The following LETM1 variants were observed in gnomAD, a reference collection of about 807,000 sequenced individuals.
LETM1 encodes leucine zipper and EF-hand containing transmembrane protein 1.
Under a neutral mutation model 74.5 loss-of-function variants are expected in LETM1, and 50 were observed. That is an observed-to-expected ratio of 0.67 (90% CI 0.53 to 0.85). LETM1 has a LOEUF of 0.85. LETM1 is among the 40% of genes least tolerant of loss of function. LETM1 has a pLI of 0.00. For synonymous variants in LETM1, 446 were observed against 407.1 expected (o/e 1.10, Z -1.15); for missense variants, 824 against 967.8 (o/e 0.85, Z 1.97).
rs948185743 is a variant in LETM1, at chr4:1,823,268, C to T, written c.1333-137G>A. The T allele has an allele frequency of 2.7e-5, 33 of 1,209,286 alleles. 1 individual carries two copies. The highest frequency in any genetic ancestry group is 1.8e-4 in the South Asian group (12 of 65,136). 74.9% of individuals were successfully genotyped at this position (1,209,286 alleles called of 1,614,324 possible). ...ACACACACAGGACAGAAGGCACTGC[C>T]GAGGTGCTGCCCGCAATTGCTGGGA... On this transcript the variant is annotated intron_variant, in intron 8 of 13. Coordinates refer to ENST00000302787, the MANE Select transcript of LETM1 (RefSeq NM_012318.3).
rs972231938 is a variant in LETM1 at position 1,813,532 on chromosome 4, T to C, written c.*892A>G. On this transcript the variant is annotated 3_prime_UTR_variant, in exon 14 of 14. Transcript: ENST00000302787. ...CCCTGTGCCGGATCCTCATGCCTCATTGACTAGCCTGCTTGCTGAAGGAGC... is the reference window on the plus strand; with the variant it reads ...CCCTGTGCCGGATCCTCATGCCTCACTGACTAGCCTGCTTGCTGAAGGAGC... 52 of 152,558 alleles carry C rather than the reference T, an allele frequency of 3.4e-4. No individual in the cohort carries two copies. Among genetic ancestry groups the C allele is most frequent in the African/African-American group, 1.1e-3 (45 of 41,582 alleles). The allele number at this position is 152,558 out of a possible 1,614,324, so 9.5% of individuals were successfully genotyped here. A position where few individuals can be genotyped will look rare whatever the true frequency, so the allele number is the denominator to read the frequency against.
At chr4:1,816,326 A>G (rs1577308126) in intron 12 of LETM1, among the ~76,000 whole-genome samples, 1 of 152,228 alleles carries the variant, frequency 6.6e-6, no homozygotes, top group Non-Finnish European at 1.5e-5. Context: ...TCCCTCAGCC[A>G]CTGCTGCGCA....
At chr4:1,817,254 A>G (rs1711600139) in intron 11 of LETM1, among the ~76,000 whole-genome samples, 1 of 147,990 alleles carries the variant, frequency 6.8e-6, no homozygotes, top group Non-Finnish European at 1.5e-5. Flanking sequence ...CCAAAAAAAA[A>G]AAAAAAAAAA....
intron 12 of LETM1, 85 bp from the exon 13 acceptor site, chr4:1,815,887 T>C (rs1034248276): frequency 4.5e-6 from 7 of 1,544,798 alleles, no homozygotes; most frequent in Non-Finnish European, 6.2e-6. Context: ...CTGCAAGTGG[T>C]CAGCACTGAC....
chr4:1,820,948 T>C (rs1385922086), intron 10 of LETM1, among the ~76,000 whole-genome samples: 4 of 151,930 alleles, frequency 2.6e-5, no homozygotes, highest in African/African-American at 9.7e-5. Flanking sequence ...CACTTGAGCC[T>C]GGGAGGTCAA....
At chr4:1,851,918 G>A (rs1305554927) in intron 1 of LETM1, among the ~76,000 whole-genome samples, 2 of 152,154 alleles carry the variant, frequency 1.3e-5, no homozygotes, top group African/African-American at 2.4e-5. Flanking sequence ...CTGTTCTGAC[G>A]GCTTCTGTCC....
rs570688485 is a variant in LETM1, at chr4:1,814,655, C to T, written c.2071-82G>A. 32 of 1,265,724 alleles carry T rather than the reference C, an allele frequency of 2.5e-5. No homozygotes were observed. In the African/African-American group the frequency reaches 3.2e-4, roughly 13 times the overall value. The allele number at this position is 1,265,724 out of a possible 1,614,324, so 78.4% of individuals were successfully genotyped here. A position where few individuals can be genotyped will look rare whatever the true frequency, so the allele number is the denominator to read the frequency against. ...CAGAGGCGGGGCCAGCGCCGTCAGTCGCCCCAGCTGGGGTGGCAGCAGCAT... is the reference window on the plus strand; with the variant it reads ...CAGAGGCGGGGCCAGCGCCGTCAGTTGCCCCAGCTGGGGTGGCAGCAGCAT... On this transcript the variant is annotated intron_variant, in intron 13 of 13. Coordinates refer to ENST00000302787, the MANE Select transcript of LETM1 (RefSeq NM_012318.3).
At chr4:1,830,319 T>G (rs1023206592) in intron 6 of LETM1, among the ~76,000 whole-genome samples, 1 of 152,226 alleles carries the variant, frequency 6.6e-6, no homozygotes, top group Non-Finnish European at 1.5e-5. Context: ...GTTGTAATTT[T>G]TCATTTGGTT....
intron 5 of LETM1, 80 bp from the exon 6 acceptor site, chr4:1,833,027 G>A: frequency 3.9e-6 from 5 of 1,290,394 alleles, no homozygotes; most frequent in Non-Finnish European, 5.6e-6. Flanking sequence ...ATTCCCAAAG[G>A]GTGCTGCCTC....
Position 1,833,103 on chromosome 4 carries a change from G to A in LETM1, c.877-156C>T, listed in dbSNP as rs574322417. 3.7e-4 allele frequency: 236 copies of A among 644,026 alleles called. 2 individuals are homozygous for A. In the African/African-American group the frequency reaches 3.9e-3, roughly 11 times the overall value. 39.9% of individuals were successfully genotyped at this position (644,026 alleles called of 1,614,324 possible). A position where few individuals can be genotyped will look rare whatever the true frequency, so the allele number is the denominator to read the frequency against. On this transcript the variant is annotated intron_variant, in intron 5 of 13. Transcript: ENST00000302787. ...TTTTTTTTGTTTGAGACAGGGTCTCGCTCTGTTACCCAGGCTGGAATGCAG... is the reference window on the plus strand; with the variant it reads ...TTTTTTTTGTTTGAGACAGGGTCTCACTCTGTTACCCAGGCTGGAATGCAG...
chr4:1,819,619 G>A, intron 10 of LETM1, 147 bp from the exon 11 acceptor site: 1 of 853,024 alleles, frequency 1.2e-6, no homozygotes. Flanking sequence ...AGACCCGCGG[G>A]GTTCAGGTTC....
intron 2 of LETM1, among the ~76,000 whole-genome samples, chr4:1,847,857 G>A (rs1307814605): frequency 2.7e-5 from 4 of 150,602 alleles, no homozygotes; most frequent in Non-Finnish European, 4.4e-5. Context: ...AATTAGCTGG[G>A]TGTGGTGTGC....
intron 6 of LETM1, among the ~76,000 whole-genome samples, chr4:1,828,538 G>T: frequency 8.3e-6 from 1 of 119,854 alleles, no homozygotes. Flanking sequence ...CCCGGACGGG[G>T]CGGCTGGCCG....
intron 1 of LETM1, among the ~76,000 whole-genome samples, chr4:1,850,896 G>A (rs570373419): frequency 6.7e-6 from 1 of 149,910 alleles, no homozygotes; most frequent in African/African-American, 2.5e-5. Context: ...AACCCTCCGG[G>A]AGGCAGAGGT....
intron 1 of LETM1, among the ~76,000 whole-genome samples, chr4:1,851,047 T>C (rs906593947): frequency 1.3e-5 from 2 of 152,172 alleles, no homozygotes; most frequent in Non-Finnish European, 2.9e-5. Context: ...CAACATGTTT[T>C]TGATGCTTTC....
intron 6 of LETM1, among the ~76,000 whole-genome samples, chr4:1,826,273 G>A (rs1711982790): frequency 6.6e-6 from 1 of 152,246 alleles, no homozygotes; most frequent in Non-Finnish European, 1.5e-5. Flanking sequence ...GGACTCTGCA[G>A]TAGGGCCCCC....
chr4:1,845,548 TTC>T (rs1419910410), intron 2 of LETM1, among the ~76,000 whole-genome samples: 2 of 151,732 alleles, frequency 1.3e-5, no homozygotes, highest in Non-Finnish European at 2.9e-5. Context: ...TCTTTTTTTT[TTC>T]TTTTTTTTTT....
Position 1,841,793 on chromosome 4 carries a change from C to T in LETM1, c.148G>A (p.Val50Ile), listed in dbSNP as rs116034211. 8.4e-4 allele frequency: 1,352 copies of T among 1,609,716 alleles called. 9 individuals carry two copies. In the African/African-American group the frequency reaches 0.016, roughly 19 times the overall value. Residue 50 changes from valine to isoleucine, a missense_variant, in exon 3 of 14, where the codon GTT becomes ATT. Physicochemically the swap from Val to Ile is conservative, Grantham distance 29. Coordinates refer to ENST00000302787, the MANE Select transcript of LETM1 (RefSeq NM_012318.3). ...ATGGGAGTGCAGCAGCCAAATGGAACATTCCTTGAAAAGGGAAGAGTGGAA... is the reference window on the plus strand; with the variant it reads ...ATGGGAGTGCAGCAGCCAAATGGAATATTCCTTGAAAAGGGAAGAGTGGAA... ...STLGLRNCLN[V>I]PFGCCTPIHP... is the part of the protein sequence containing the mutation.
At chr4:1,817,187 G>T (rs566970322) in intron 11 of LETM1, among the ~76,000 whole-genome samples, 1 of 140,952 alleles carries the variant, frequency 7.1e-6, no homozygotes, top group Non-Finnish European at 1.5e-5. Context: ...AGAGGCTGCA[G>T]TGAGCCAAGA....
Sources: allele counts gnomAD v4.1 joint callset (sites outside exome capture counted in the v4.1 genomes callset), GRCh38; gene constraint gnomAD v4.1.1; transcripts MANE v1.5; gene names NCBI Gene and HGNC (gene_info 2026-07-23, HGNC 2026-07-21).